CFAP300: variants seen among roughly 807,000 people sequenced by gnomAD.
CFAP300 encodes the protein cilia and flagella associated protein 300.
A neutral mutation model predicts 33.0 loss-of-function variants in CFAP300; 32 were observed. The observed-to-expected ratio is 0.97, with a 90% confidence interval of 0.73 to 1.30. The LOEUF (loss-of-function observed/expected upper bound fraction) is 1.30. Ranked by LOEUF, CFAP300 falls within the 50% of genes most tolerant of loss-of-function variation. The pLI is 0.00. For missense variants in CFAP300, 356 were observed against 318.1 expected (o/e 1.12, Z -0.90); for synonymous variants, 102 against 106.8 (o/e 0.95, Z 0.28).
chr11:102,061,975 C>T (rs1277415311), intron 3 of CFAP300, among the ~76,000 whole-genome samples: 1 of 152,050 alleles, frequency 6.6e-6, no homozygotes, highest in Admixed American at 6.6e-5. Flanking sequence ...TGTGTCCCCA[C>T]CCCTAAATTC....
chr11:102,071,136 A>T (rs1431286501), intron 4 of CFAP300, among the ~76,000 whole-genome samples: 1 of 152,092 alleles, frequency 6.6e-6, no homozygotes, highest in African/African-American at 2.4e-5. Flanking sequence ...GGGGTGTTGA[A>T]TTTCCCAACT....
intron 3 of CFAP300, among the ~76,000 whole-genome samples, chr11:102,061,454 A>G (rs1183168772): frequency 6.6e-6 from 1 of 152,136 alleles, no homozygotes; most frequent in Admixed American, 6.6e-5. Context: ...CACTCCCTGG[A>G]GATTGCCAGT....
chr11:102,078,854 G>T (rs779023595), intron 5 of CFAP300, among the ~76,000 whole-genome samples: 6 of 152,032 alleles, frequency 3.9e-5, no homozygotes, highest in Non-Finnish European at 8.8e-5. Context: ...GACTACAGGC[G>T]CATGCCACCA....
In CFAP300 at chr11:102,056,479, T is replaced by C. The variant is rs551041071; in HGVS notation, c.193-2401T>C. On this transcript the variant is annotated intron_variant, in intron 2 of 6. Transcript: ENST00000434758. Reference sequence around the variant, plus strand: ...TTTCACCAAAAGTTACCAGTCTTTTTAAATCTTGGCAATGTAATGGATAAA... The same window carrying C: ...TTTCACCAAAAGTTACCAGTCTTTTCAAATCTTGGCAATGTAATGGATAAA... Among the ~76,000 whole-genome samples the C allele has an allele frequency of 3.9e-5, 6 of 152,378 alleles. No homozygotes were observed. In the East Asian group the frequency reaches 1.2e-3, roughly 29 times the overall value.
intron 6 of CFAP300, among the ~76,000 whole-genome samples, chr11:102,081,622 C>A (rs1027945706): frequency 6.6e-6 from 1 of 152,096 alleles, no homozygotes; most frequent in Non-Finnish European, 1.5e-5. Context: ...GTCGCCGGGC[C>A]CGGTGGCTCA....
At chr11:102,059,381 G>T (rs1349978600) in intron 3 of CFAP300, among the ~76,000 whole-genome samples, 2 of 151,666 alleles carry the variant, frequency 1.3e-5, no homozygotes, top group African/African-American at 4.8e-5. Context: ...AGGCATGGTG[G>T]CTCACGTCTG....
At chr11:102,071,690 T>C (rs1942314301) in intron 4 of CFAP300, among the ~76,000 whole-genome samples, 1 of 152,148 alleles carries the variant, frequency 6.6e-6, no homozygotes, top group Admixed American at 6.5e-5. Context: ...GGAAATACTT[T>C]CTCTTTTATT....
At chr11:102,070,997 G>A (rs2135040141) in intron 4 of CFAP300, among the ~76,000 whole-genome samples, 1 of 152,266 alleles carries the variant, frequency 6.6e-6, no homozygotes, top group East Asian at 1.9e-4. Flanking sequence ...TCCATGTGCT[G>A]ATGAGAATAG....
At chr11:102,054,337 T>A (rs571840861) in intron 2 of CFAP300, among the ~76,000 whole-genome samples, 1 of 152,226 alleles carries the variant, frequency 6.6e-6, no homozygotes, top group South Asian at 2.1e-4. Flanking sequence ...TGCCTGCCCA[T>A]GAGGGCAAGC....
chr11:102,068,840 A>C (rs1942267473), intron 4 of CFAP300, among the ~76,000 whole-genome samples: 1 of 152,166 alleles, frequency 6.6e-6, no homozygotes, highest in South Asian at 2.1e-4. Flanking sequence ...TAGGGATCTC[A>C]TATTAATTTC....
intron 4 of CFAP300, among the ~76,000 whole-genome samples, chr11:102,067,873 C>T (rs1942251978): frequency 6.6e-6 from 1 of 152,062 alleles, no homozygotes; most frequent in Non-Finnish European, 1.5e-5. Context: ...TGCCACTGCA[C>T]CCCAGTCTGG....
Position 102,066,592 on chromosome 11 carries a change from AT to A in CFAP300, c.378del (p.Ile126MetfsTer5), listed in dbSNP as rs747227141. 6.2e-7 allele frequency: 1 copy of A among 1,610,700 alleles called. No individual in the cohort carries two copies. The highest frequency in any genetic ancestry group is 1.1e-5 in the South Asian group (1 of 89,990). On this transcript the variant is annotated frameshift_variant, in exon 4 of 7. Transcript: ENST00000434758. LOFTEE classifies it high-confidence loss of function. ...AGATATTGTACGAGACAGTGGACAT[AT>A]TGTTAAATGTTTAGATTCTTTTTGT... ...DEDIVRDSGH[I>X]VKCLDSFCDP...
intron 3 of CFAP300, among the ~76,000 whole-genome samples, chr11:102,066,228 G>C (rs1942223096): frequency 6.6e-6 from 1 of 152,026 alleles, no homozygotes; most frequent in Non-Finnish European, 1.5e-5. Flanking sequence ...ACCCTCCTTT[G>C]CTTCCAAAAG....
chr11:102,076,007 T>A lies in CFAP300; in HGVS notation c.570T>A (p.Tyr190Ter). ...AATATGAGGATGTGATTAGCCCATATCTGGAAACAACAAAGCTTATCTATA... is the reference window on the plus strand; with the variant it reads ...AATATGAGGATGTGATTAGCCCATAACTGGAAACAACAAAGCTTATCTATA... ...LCQYEDVISP[Y>*]LETTKLIYKD... The change falls in exon 5 of 7, where the codon TAT (tyrosine) becomes TAA (stop). Residue 190 changes from tyrosine to a stop codon, truncating the protein, a stop_gained. Coordinates refer to ENST00000434758, the MANE Select transcript of CFAP300 (RefSeq NM_032930.3). LOFTEE classifies it high-confidence loss of function. 4 of 1,613,372 alleles carry A rather than the reference T, an allele frequency of 2.5e-6. No homozygotes were observed. The highest frequency in any genetic ancestry group is 3.4e-6 in the Non-Finnish European group (4 of 1,179,792).
At chr11:102,048,805 C>A (rs1022018144) in intron 2 of CFAP300, among the ~76,000 whole-genome samples, 14 of 148,458 alleles carry the variant, frequency 9.4e-5, no homozygotes, top group African/African-American at 3.4e-4. Context: ...TATTTTCAAT[C>A]CTGTTTTTTT....
At chr11:102,078,164 A>T (rs968928405) in intron 5 of CFAP300, among the ~76,000 whole-genome samples, 1 of 152,168 alleles carries the variant, frequency 6.6e-6, no homozygotes, top group African/African-American at 2.4e-5. Flanking sequence ...AAGTGCTGGG[A>T]TTACAGGTGT....
At chr11:102,082,765 G>A (rs965773521) in intron 6 of CFAP300, among the ~76,000 whole-genome samples, 3 of 152,116 alleles carry the variant, frequency 2.0e-5, no homozygotes, top group East Asian at 3.9e-4. Context: ...TTGGGAGGCC[G>A]AGACAGGTGG....
intron 2 of CFAP300, among the ~76,000 whole-genome samples, chr11:102,048,681 G>A (rs1229620250): frequency 1.3e-5 from 2 of 152,158 alleles, no homozygotes; most frequent in Admixed American, 1.3e-4. Flanking sequence ...AAAGTATGAA[G>A]CCGTAGCACA....
intron 5 of CFAP300, among the ~76,000 whole-genome samples, chr11:102,080,008 G>A (rs1374485698): frequency 3.3e-5 from 5 of 152,172 alleles, no homozygotes; most frequent in Non-Finnish European, 5.9e-5. Context: ...GAGGCAGGGT[G>A]CAGTGGCCAT....
Sources: gnomAD v4.1 joint callset for allele counts (sites outside exome capture counted in the v4.1 genomes callset) on GRCh38, gnomAD v4.1.1 for gene constraint, MANE v1.5 for transcripts, NCBI Gene and HGNC (gene_info 2026-07-23, HGNC 2026-07-21) for gene names.